The following TSEN2 variants were observed in gnomAD, a reference collection of about 807,000 sequenced individuals.
The protein encoded by TSEN2 is tRNA-splicing endonuclease subunit Sen2.
TSEN2 carries 54 observed loss-of-function variants against 59.2 expected under a neutral mutation model. The observed-to-expected ratio is 0.91, with a 90% confidence interval of 0.73 to 1.14. The LOEUF (loss-of-function observed/expected upper bound fraction) is 1.14, where lower values mean the gene tolerates loss of function less well. Ranked by LOEUF, TSEN2 falls within the 50% of genes most tolerant of loss-of-function variation. The probability of loss-of-function intolerance (pLI) is 0.00; values close to 1 mark genes in which losing one functional copy is unlikely to be tolerated. For missense variants in TSEN2, 636 were observed against 576.2 expected (o/e 1.10, Z -1.06); for synonymous variants, 195 against 198.2 (o/e 0.98, Z 0.14).
Position 12,533,019 on chromosome 3 carries a change from C to T in TSEN2, c.*298C>T. ...CTGGGGAGATTGGACTAGAGGAGTC[C>T]TGAGAGGACACTTCCAACAAGAGAC... On this transcript the variant is annotated 3_prime_UTR_variant, in exon 12 of 12. Transcript: ENST00000284995. 1 of 482,218 alleles carries T rather than the reference C, an allele frequency of 2.1e-6. No homozygotes were observed. Among genetic ancestry groups the T allele is most frequent in the Non-Finnish European group, 3.7e-6 (1 of 267,034 alleles). The allele number at this position is 482,218 out of a possible 1,614,324, so 29.9% of individuals were successfully genotyped here.
intron 10 of TSEN2, chr3:12,530,183 A>G: frequency 2.5e-6 from 3 of 1,206,972 alleles, no homozygotes; most frequent in Non-Finnish European, 3.1e-6. Context: ...TATCGTTGCT[A>G]TGTGACTTGT....
intron 4 of TSEN2, among the ~76,000 whole-genome samples, chr3:12,499,475 T>C (rs547416056): frequency 2.6e-5 from 4 of 152,332 alleles, no homozygotes; most frequent in African/African-American, 9.6e-5. Flanking sequence ...ACCATCACCA[T>C]TATAGCCAAC....
At chr3:12,512,290 A>T (rs1385705977) in intron 6 of TSEN2, among the ~76,000 whole-genome samples, 1 of 152,264 alleles carries the variant, frequency 6.6e-6, no homozygotes, top group Non-Finnish European at 1.5e-5. Context: ...ACTTCAATGC[A>T]ATGTTTTTTA....
chr3:12,517,651 G>T (rs1376995790), intron 7 of TSEN2, among the ~76,000 whole-genome samples: 1 of 152,202 alleles, frequency 6.6e-6, no homozygotes, highest in East Asian at 1.9e-4. Flanking sequence ...ATCAAATTCT[G>T]ATTGCATAAA....
chr3:12,490,232 G>A (rs2053075267), intron 2 of TSEN2, among the ~76,000 whole-genome samples: 2 of 151,858 alleles, frequency 1.3e-5, no homozygotes, highest in Non-Finnish European at 2.9e-5. Context: ...GATGAAGTAG[G>A]TTCAATGGAT....
intron 6 of TSEN2, among the ~76,000 whole-genome samples, chr3:12,507,348 A>C (rs535179335): frequency 6.6e-6 from 1 of 152,362 alleles, no homozygotes; most frequent in African/African-American, 2.4e-5. Flanking sequence ...TTTATAGCCC[A>C]CATGTACCCG....
chr3:12,482,566 T>A (rs1259886320), upstream of TSEN2, among the ~76,000 whole-genome samples: 2 of 152,156 alleles, frequency 1.3e-5, no homozygotes, highest in Non-Finnish European at 2.9e-5. Flanking sequence ...TTTCTTTTTT[T>A]AATTTCTTTT....
chr3:12,531,039 A>T (rs1392252741), intron 10 of TSEN2: 1 of 154,132 alleles, frequency 6.5e-6, no homozygotes, highest in African/African-American at 2.4e-5. Flanking sequence ...ACCTCTTCAG[A>T]GGGTGGCAGG....
intron 7 of TSEN2, among the ~76,000 whole-genome samples, chr3:12,518,250 A>G (rs1375351479): frequency 6.6e-6 from 1 of 152,244 alleles, no homozygotes; most frequent in Non-Finnish European, 1.5e-5. Context: ...AGTTTCAAAC[A>G]CTAAATGGAG....
At chr3:12,506,542 C>CCGAGGTCACGCCACTGCACAAG (rs1220076451) in intron 6 of TSEN2, among the ~76,000 whole-genome samples, 1 of 151,272 alleles carries the variant, frequency 6.6e-6, no homozygotes, top group Non-Finnish European at 1.5e-5. Context: ...CTTTAATGAA[C>CCGAGGTCACGCCACTGCACAAG]CGAGGTCACG....
intron 8 of TSEN2, among the ~76,000 whole-genome samples, chr3:12,525,569 G>C (rs1457554683): frequency 6.6e-6 from 1 of 151,782 alleles, no homozygotes; most frequent in Non-Finnish European, 1.5e-5. Context: ...TATTTATGTA[G>C]TTTTTGAGAC....
In TSEN2 at chr3:12,528,921, C is replaced by T. The variant is rs751170432; in HGVS notation, c.1133C>T (p.Ala378Val). The change falls in exon 9 of 12, where the codon GCA (alanine) becomes GTA (valine). Residue 378 changes from alanine to valine, a missense_variant. Transcript: ENST00000284995. The stretch of plus-strand genomic sequence containing the variant: ...CGGAAAGGCCCTCCATTTTACCATG[C>T]AAGGTTCGGAGTGATTTTTAAATAA... ...LYRKGPPFYH[A>V]SYSVIIELVD... The T allele has an allele frequency of 6.2e-6, 10 of 1,613,774 alleles. No homozygotes were observed. Among genetic ancestry groups the T allele is most frequent in the Non-Finnish European group, 7.6e-6 (9 of 1,179,974 alleles).
At chr3:12,497,961 C>T (rs1431604437) in intron 4 of TSEN2, among the ~76,000 whole-genome samples, 16 of 152,166 alleles carry the variant, frequency 1.1e-4, no homozygotes, top group Non-Finnish European at 1.5e-5. Context: ...TGGCTCCTGG[C>T]ACCCCTTGGC....
intron 8 of TSEN2, among the ~76,000 whole-genome samples, chr3:12,526,643 C>CT (rs764440097): frequency 6.6e-5 from 10 of 152,340 alleles, no homozygotes; most frequent in Admixed American, 3.9e-4. Context: ...GCATAGGTAA[C>CT]TTTGTGATGC....
intron 5 of TSEN2, 82 bp downstream of exon 5, chr3:12,503,866 A>G: frequency 6.6e-7 from 1 of 1,522,810 alleles, no homozygotes; most frequent in Non-Finnish European, 8.9e-7. Flanking sequence ...TTTTGCCTGC[A>G]GCTGGTAGCT....
chr3:12,482,582 G>GT (rs151027076), upstream of TSEN2, among the ~76,000 whole-genome samples: 3,594 of 150,472 alleles, frequency 0.024, 63 homozygotes, highest in South Asian at 0.044. Context: ...CTTTTTTTAT[G>GT]TTTTTGGGAG....
In TSEN2 at chr3:12,529,073, C is replaced by T. The variant is rs299632; in HGVS notation, c.1136+149C>T. 333,931 of 762,076 alleles carry T rather than the reference C, an allele frequency of 0.44. 79,460 individuals are homozygous for T. Among genetic ancestry groups the T allele is most frequent in the African/African-American group, 0.61 (35,566 of 58,300 alleles). 47.2% of individuals were successfully genotyped at this position (762,076 alleles called of 1,614,324 possible). On this transcript the variant is annotated intron_variant, in intron 9 of 11. Coordinates refer to ENST00000284995, the MANE Select transcript of TSEN2 (RefSeq NM_025265.4). Reference sequence around the variant, plus strand: ...TGCTATATGTTCATGCCTCCTTACACACTAATGTCATTATACTATATATAG... The same window carrying T: ...TGCTATATGTTCATGCCTCCTTACATACTAATGTCATTATACTATATATAG...
chr3:12,507,909 T>C (rs906368250), intron 6 of TSEN2, among the ~76,000 whole-genome samples: 9 of 152,122 alleles, frequency 5.9e-5, no homozygotes, highest in Non-Finnish European at 1.2e-4. Context: ...TAGCTGAGGA[T>C]AGTAAAGGAT....
chr3:12,516,342 T>C (rs551188053), intron 6 of TSEN2, among the ~76,000 whole-genome samples: 140 of 152,024 alleles, frequency 9.2e-4, no homozygotes, highest in African/African-American at 3.1e-3. Context: ...AGGAGAATGG[T>C]GTGAACCCAG....
Sources: allele counts gnomAD v4.1 joint callset (sites outside exome capture counted in the v4.1 genomes callset), GRCh38; gene constraint gnomAD v4.1.1; transcripts MANE v1.5; gene names NCBI Gene and HGNC (gene_info 2026-07-23, HGNC 2026-07-21).